Variants in PPARGC1A observed in about 807,000 individuals in gnomAD.
PPARGC1A encodes the protein peroxisome proliferator-activated receptor gamma coactivator 1-alpha.
Under a neutral mutation model 88.7 loss-of-function variants are expected in PPARGC1A, and 25 were observed. The observed-to-expected ratio is 0.28, with a 90% CI of 0.21 to 0.39. The LOEUF (loss-of-function observed/expected upper bound fraction) is 0.39, where lower values mean the gene tolerates loss of function less well. PPARGC1A is among the 10% of genes least tolerant of loss of function. PPARGC1A has a pLI of 1.00. For missense variants in PPARGC1A, 880 were observed against 968.7 expected, an observed-to-expected ratio of 0.91 and a Z score of 1.22; for synonymous variants, 363 against 355.6, an observed-to-expected ratio of 1.02 and a Z score of -0.24.
the PPARGC1A span, among the ~76,000 whole-genome samples, chr4:24,326,839 C>T: frequency 2.6e-5 from 4 of 152,160 alleles, no homozygotes; most frequent in African/African-American, 9.7e-5. Context: ...TAGCCTAGCC[C>T]TCATGTCTGC....
chr4:24,413,311 G>C, the PPARGC1A span, among the ~76,000 whole-genome samples: 2 of 147,052 alleles, frequency 1.4e-5, no homozygotes, highest in South Asian at 4.3e-4. Flanking sequence ...TAAAAGCAAC[G>C]CAGAATGAAT....
chr4:23,994,180 C>T, the PPARGC1A span, among the ~76,000 whole-genome samples: 2 of 152,134 alleles, frequency 1.3e-5, no homozygotes, highest in Admixed American at 1.3e-4. Context: ...TTCCCTCTGT[C>T]CTGCTTAACA....
the PPARGC1A span, among the ~76,000 whole-genome samples, chr4:24,069,924 T>A: frequency 6.6e-6 from 1 of 152,204 alleles, no homozygotes; most frequent in African/African-American, 2.4e-5. Flanking sequence ...AGAGACAGGA[T>A]GCCTGGCTGA....
the PPARGC1A span, among the ~76,000 whole-genome samples, chr4:24,242,674 C>T: frequency 1.6e-3 from 243 of 152,290 alleles, no homozygotes; most frequent in South Asian, 4.1e-3. Flanking sequence ...CTTAAAGTCT[C>T]GATAGCCTTG....
At chr4:24,110,807 G>A in the PPARGC1A span, among the ~76,000 whole-genome samples, 7 of 152,080 alleles carry the variant, frequency 4.6e-5, no homozygotes, top group Non-Finnish European at 1.0e-4. Flanking sequence ...GATATACGTT[G>A]TATCTATCTT....
At chr4:24,405,677 G>A in the PPARGC1A span, among the ~76,000 whole-genome samples, 2 of 152,126 alleles carry the variant, frequency 1.3e-5, no homozygotes, top group Non-Finnish European at 2.9e-5. Flanking sequence ...ATCCCAAGGT[G>A]AGAATGGATC....
the PPARGC1A span, among the ~76,000 whole-genome samples, chr4:24,177,063 T>G: frequency 1.3e-5 from 2 of 152,262 alleles, no homozygotes; most frequent in African/African-American, 2.4e-5. Flanking sequence ...GTGTGGTGAT[T>G]CCTCAGGGAT....
chr4:24,370,062 G>A, the PPARGC1A span, among the ~76,000 whole-genome samples: 2 of 152,182 alleles, frequency 1.3e-5, no homozygotes, highest in East Asian at 1.9e-4. Flanking sequence ...TTTTAACAAA[G>A]GAAAAACAAG....
intron 10 of PPARGC1A, among the ~76,000 whole-genome samples, chr4:23,811,609 T>C (rs763434948): frequency 2.0e-5 from 3 of 152,170 alleles, no homozygotes; most frequent in Non-Finnish European, 4.4e-5. Context: ...ATTTTTGCCA[T>C]CCAAAGTCTA....
At chr4:24,434,281 A>T in the PPARGC1A span, among the ~76,000 whole-genome samples, 122 of 152,324 alleles carry the variant, frequency 8.0e-4, no homozygotes, top group Non-Finnish European at 1.4e-3. Flanking sequence ...CTAAGCTAGA[A>T]TCATGAGATT....
the PPARGC1A span, among the ~76,000 whole-genome samples, chr4:24,380,011 C>A: frequency 6.6e-6 from 1 of 152,110 alleles, no homozygotes; most frequent in Non-Finnish European, 1.5e-5. Flanking sequence ...CTCCTGACCT[C>A]AGGTGATCCG....
chr4:23,849,772 A>G (rs1427454451), intron 2 of PPARGC1A, among the ~76,000 whole-genome samples: 1 of 151,096 alleles, frequency 6.6e-6, no homozygotes, highest in East Asian at 1.9e-4. Context: ...GGCTTTACTC[A>G]TTTATTCCTT....
the PPARGC1A span, among the ~76,000 whole-genome samples, chr4:24,097,836 G>A: frequency 6.6e-6 from 1 of 152,128 alleles, no homozygotes; most frequent in Non-Finnish European, 1.5e-5. Context: ...CTGAACTGCA[G>A]TGACACCCAT....
At chr4:24,106,150 A>C in the PPARGC1A span, among the ~76,000 whole-genome samples, 3,216 of 152,262 alleles carry the variant, frequency 0.021, 112 homozygotes, top group African/African-American at 0.067. Context: ...CCCAAGCCAA[A>C]AAAAGATGCC....
the PPARGC1A span, among the ~76,000 whole-genome samples, chr4:24,059,913 C>T: frequency 6.6e-6 from 1 of 152,306 alleles, no homozygotes; most frequent in African/African-American, 2.4e-5. Flanking sequence ...ACCTGGCTCT[C>T]TGATTGCGCC....
At chr4:23,913,242 T>TTATA in the PPARGC1A span, among the ~76,000 whole-genome samples, 103 of 94,584 alleles carry the variant, frequency 1.1e-3, no homozygotes, top group East Asian at 4.1e-3. Context: ...ATTATATATT[T>TTATA]TATATATATA....
the PPARGC1A span, among the ~76,000 whole-genome samples, chr4:24,016,831 T>C: frequency 6.6e-6 from 1 of 152,176 alleles, no homozygotes; most frequent in East Asian, 1.9e-4. Context: ...GACTCAGATA[T>C]CAATGATCTC....
the PPARGC1A span, among the ~76,000 whole-genome samples, chr4:24,151,291 T>G: frequency 1.3e-5 from 2 of 152,110 alleles, no homozygotes; most frequent in Admixed American, 1.3e-4. Flanking sequence ...AAGAAAAGGG[T>G]GCTGGCAGAT....
the PPARGC1A span, among the ~76,000 whole-genome samples, chr4:24,029,507 A>T: frequency 1.3e-5 from 2 of 152,146 alleles, no homozygotes; most frequent in African/African-American, 4.8e-5. Flanking sequence ...TGGCTCTGTG[A>T]TTTGGGGTGT....
Sources: allele counts gnomAD v4.1 joint callset (sites outside exome capture counted in the v4.1 genomes callset), GRCh38; gene constraint gnomAD v4.1.1; transcripts MANE v1.5; gene names NCBI Gene and HGNC (gene_info 2026-07-23, HGNC 2026-07-21).